Variants in CAPS2 observed in about 807,000 individuals in gnomAD.
CAPS2 encodes calcyphosin-2.
In CAPS2, 98 loss-of-function variants were observed where a neutral mutation model predicts 86.5. The ratio of observed to expected loss-of-function variants is 1.13; its 90% CI spans 0.96 to 1.34. CAPS2 has a LOEUF of 1.34. CAPS2 is among the 40% of genes most tolerant of loss of function. The probability of loss-of-function intolerance (pLI) is 0.00; values close to 1 mark genes in which losing one functional copy is unlikely to be tolerated. For missense variants in CAPS2, 729 were observed against 686.8 expected (o/e 1.06, Z -0.69); for synonymous variants, 210 against 225.1 (o/e 0.93, Z 0.60).
intron 1 of CAPS2, among the ~76,000 whole-genome samples, chr12:75,349,780 C>A (rs1302674745): frequency 6.6e-6 from 1 of 151,802 alleles, no homozygotes; most frequent in African/African-American, 2.4e-5. Flanking sequence ...CTGCAGTGAG[C>A]CATGATTGCC....
chr12:75,298,802 A>T (rs770749333), intron 10 of CAPS2, 22 bp from the exon 11 acceptor site: 2 of 1,607,268 alleles, frequency 1.2e-6, no homozygotes, highest in Non-Finnish European at 1.7e-6. Flanking sequence ...ATGAAAAAAA[A>T]ATGGAAAGTT....
chr12:75,313,796 T>A (rs1297274763), intron 6 of CAPS2, among the ~76,000 whole-genome samples: 2 of 152,098 alleles, frequency 1.3e-5, no homozygotes, highest in Non-Finnish European at 2.9e-5. Flanking sequence ...TATTTAAAAT[T>A]GAGACAAAAT....
chr12:75,347,830 C>T (rs1449367416), intron 1 of CAPS2: 3 of 535,074 alleles, frequency 5.6e-6, no homozygotes, highest in Non-Finnish European at 9.8e-6. Flanking sequence ...TAAGTAATGA[C>T]TCCCTCTACA....
chr12:75,366,029 G>T (rs2043939987), intron 1 of CAPS2, among the ~76,000 whole-genome samples: 1 of 152,074 alleles, frequency 6.6e-6, no homozygotes, highest in African/African-American at 2.4e-5. Context: ...AAAGAAAAAT[G>T]CTACAATTCT....
intron 1 of CAPS2, among the ~76,000 whole-genome samples, chr12:75,337,945 C>A (rs1234537248): frequency 6.6e-6 from 1 of 152,032 alleles, no homozygotes; most frequent in Admixed American, 6.6e-5. Flanking sequence ...TGAGATCATT[C>A]ATCTGCATCT....
intron 1 of CAPS2, among the ~76,000 whole-genome samples, chr12:75,342,302 G>T (rs113703043): frequency 3.9e-5 from 6 of 152,202 alleles, no homozygotes; most frequent in East Asian, 3.9e-4. Flanking sequence ...TCTTTAAAAG[G>T]TCTGTAGATA....
At chr12:75,362,650 T>C (rs149856815) in intron 1 of CAPS2, among the ~76,000 whole-genome samples, 4 of 152,298 alleles carry the variant, frequency 2.6e-5, no homozygotes, top group South Asian at 2.1e-4. Flanking sequence ...TTATGACTTA[T>C]ACTATTAAAA....
chr12:75,319,676 G>C (rs575622077), intron 5 of CAPS2, among the ~76,000 whole-genome samples: 1 of 152,256 alleles, frequency 6.6e-6, no homozygotes, highest in Non-Finnish European at 1.5e-5. Flanking sequence ...GTTGACTCAT[G>C]TATCATACTG....
At chr12:75,326,663 T>A, upstream of CAPS2, 1 of 559,168 alleles carries the variant, frequency 1.8e-6, no homozygotes, top group Non-Finnish European at 3.2e-6. Context: ...CAATATCAAC[T>A]TTTTATAGGG....
chr12:75,324,890 A>G (rs2040622320), intron 2 of CAPS2, among the ~76,000 whole-genome samples: 1 of 152,124 alleles, frequency 6.6e-6, no homozygotes, highest in Non-Finnish European at 1.5e-5. Flanking sequence ...TTATCCTTAA[A>G]TTGATGCCAA....
chr12:75,343,890 T>A, intron 1 of CAPS2: 3 of 1,612,236 alleles, frequency 1.9e-6, no homozygotes, highest in African/African-American at 2.7e-5. Context: ...CCCAATTTTA[T>A]GATTTTGATA....
intron 1 of CAPS2, among the ~76,000 whole-genome samples, chr12:75,370,867 AG>A (rs530201532): frequency 2.6e-5 from 4 of 152,152 alleles, no homozygotes; most frequent in Non-Finnish European, 5.9e-5. Context: ...TTTTTTCTGA[AG>A]GAAAAAAACA....
At chr12:75,298,947 T>G (rs754683880) in exon 10 of CAPS2, 11 of 1,601,978 alleles carry the variant, frequency 6.9e-6, no homozygotes, top group Non-Finnish European at 9.4e-6. Flanking sequence ...ATGAGCTCTC[T>G]GCAAGCATCA....
chr12:75,334,716 T>G (rs775469106), upstream of CAPS2: 1 of 1,610,338 alleles, frequency 6.2e-7, no homozygotes, highest in Non-Finnish European at 8.5e-7. Context: ...CTCCGCATCC[T>G]CCACATCCTT....
chr12:75,286,012 AAC>A (rs964651763), intron 14 of CAPS2, among the ~76,000 whole-genome samples: 13 of 152,034 alleles, frequency 8.6e-5, no homozygotes, highest in African/African-American at 3.1e-4. Flanking sequence ...AGAAAGTTCT[AAC>A]ACAGTTTTCC....
At position 75,299,853 on chromosome 12, in the gene CAPS2, C is replaced by T. The variant is rs747309615; in HGVS notation, c.838G>A (p.Gly280Ser). Residue 280 changes from glycine (G) to serine (S), a missense_variant, in exon 9 of 17, where the codon GGT becomes AGT. Gly to Ser is a moderately conservative substitution (Grantham distance 56, BLOSUM62 0). Transcript: ENST00000393284. ...CACAATTACCGTGATACGATCCTAC[C>T]ATCAAACTGTAATTTATGAGAAAGC... 44 of 1,515,692 alleles carry T rather than the reference C, an allele frequency of 2.9e-5. No homozygotes were observed. Among genetic ancestry groups the T allele is most frequent in the Non-Finnish European group, 3.9e-5 (43 of 1,111,830 alleles). 93.9% of individuals were successfully genotyped at this position (1,515,692 alleles called of 1,614,324 possible).
chr12:75,321,487 G>A, exon 5 of CAPS2: 1 of 1,545,664 alleles, frequency 6.5e-7, no homozygotes, highest in Non-Finnish European at 8.8e-7. Flanking sequence ...ACTGCTTATA[G>A]CCCTCTTTAA....
intron 7 of CAPS2, chr12:75,305,385 C>A (rs2038331055): frequency 5.2e-6 from 2 of 387,370 alleles, no homozygotes; most frequent in Admixed American, 4.2e-5. Context: ...CAGGAGTCGG[C>A]GGAGGGAGGG....
chr12:75,375,283 C>A (rs1262588976), intron 1 of CAPS2, among the ~76,000 whole-genome samples: 1 of 152,116 alleles, frequency 6.6e-6, no homozygotes, highest in Non-Finnish European at 1.5e-5. Flanking sequence ...AGCTAAAATT[C>A]CATTAATTAC....
Sources: gnomAD v4.1 joint callset for allele counts (sites outside exome capture counted in the v4.1 genomes callset) on GRCh38, gnomAD v4.1.1 for gene constraint, MANE v1.5 for transcripts, NCBI Gene and HGNC (gene_info 2026-07-23, HGNC 2026-07-21) for gene names.